PDE11A: variants seen among roughly 807,000 people sequenced by gnomAD.
The protein encoded by PDE11A is dual 3',5'-cyclic-AMP and -GMP phosphodiesterase 11A.
PDE11A carries 100 observed loss-of-function variants against 100.5 expected under a neutral mutation model. That is an observed-to-expected ratio of 1.00 (90% confidence interval 0.85 to 1.18). The LOEUF (loss-of-function observed/expected upper bound fraction) is 1.18, where lower values mean the gene tolerates loss of function less well. Ranked by LOEUF, PDE11A falls within the 50% of genes most tolerant of loss-of-function variation. The probability of loss-of-function intolerance (pLI) is 0.00; values close to 1 mark genes in which losing one functional copy is unlikely to be tolerated. For missense variants in PDE11A, 1,141 were observed against 1,152.6 expected (o/e 0.99, Z 0.15); for synonymous variants, 381 against 420.8 (o/e 0.91, Z 1.16).
At chr2:178,074,172 G>C (rs2087174806), upstream of PDE11A, among the ~76,000 whole-genome samples, 1 of 152,064 alleles carries the variant, frequency 6.6e-6, no homozygotes, top group African/African-American at 2.4e-5. Context: ...GTCCAGAATA[G>C]GCAAATCCAT....
At chr2:177,912,709 A>G (rs1391792945) in intron 2 of PDE11A, among the ~76,000 whole-genome samples, 5 of 152,164 alleles carry the variant, frequency 3.3e-5, no homozygotes, top group Non-Finnish European at 1.5e-5. Flanking sequence ...AAAAATACCC[A>G]TATTTCTGCC....
intron 19 of PDE11A, among the ~76,000 whole-genome samples, chr2:177,646,627 A>G (rs2080228313): frequency 6.6e-6 from 1 of 152,220 alleles, no homozygotes; most frequent in South Asian, 2.1e-4. Flanking sequence ...CTGGCACACT[A>G]GTAACAATGG....
chr2:177,690,069 T>C (rs1045825674), intron 15 of PDE11A, among the ~76,000 whole-genome samples: 1 of 152,170 alleles, frequency 6.6e-6, no homozygotes, highest in Non-Finnish European at 1.5e-5. Flanking sequence ...AAAGAAACCA[T>C]TAAGAAGTGC....
chr2:177,998,963 C>T (rs541628642), intron 2 of PDE11A, among the ~76,000 whole-genome samples: 1 of 152,330 alleles, frequency 6.6e-6, no homozygotes, highest in Admixed American at 6.5e-5. Flanking sequence ...AATGGGCACT[C>T]TAGATCTAGT....
intron 2 of PDE11A, among the ~76,000 whole-genome samples, chr2:177,993,430 C>T (rs1484035924): frequency 3.3e-5 from 5 of 151,216 alleles, no homozygotes; most frequent in African/African-American, 1.2e-4. Context: ...TTTTAAAGTC[C>T]CCTTGCTTTC....
At chr2:178,073,068 C>T (rs1028988700), upstream of PDE11A, 52 of 985,226 alleles carry the variant, frequency 5.3e-5, no homozygotes, top group Non-Finnish European at 6.0e-5. Context: ...CCCCTTAATC[C>T]GTTAGCGTTT....
chr2:177,653,779 G>A lies in PDE11A; in HGVS notation c.2646+10087C>T, dbSNP rs1244103454. The stretch of plus-strand genomic sequence containing the variant: ...GCTGACACCTGAATTCTAGCTTCTA[G>A]AACTGTGAGCAAATACATTTCTGTT... On this transcript the variant is annotated intron_variant, in intron 19 of 19. Coordinates refer to ENST00000286063, the MANE Select transcript of PDE11A (RefSeq NM_016953.4). Among the ~76,000 whole-genome samples the A allele has an allele frequency of 2.0e-5, 3 of 152,194 alleles. No homozygotes were observed. In the East Asian group the frequency reaches 5.8e-4, roughly 29 times the overall value.
chr2:177,937,066 A>G (rs1045018915), intron 2 of PDE11A, among the ~76,000 whole-genome samples: 1 of 152,050 alleles, frequency 6.6e-6, no homozygotes, highest in East Asian at 1.9e-4. Context: ...AATATTTGTG[A>G]GGCATCTCTT....
At chr2:177,674,249 C>T (rs12475108) in intron 17 of PDE11A, among the ~76,000 whole-genome samples, 94,880 of 152,072 alleles carry the variant, frequency 0.62, 32,015 homozygotes, top group Admixed American at 0.74. Context: ...GGATAATAAC[C>T]ATATTAGTTT....
intron 2 of PDE11A, among the ~76,000 whole-genome samples, chr2:177,989,217 C>G (rs943361061): frequency 6.6e-6 from 1 of 152,132 alleles, no homozygotes; most frequent in Non-Finnish European, 1.5e-5. Flanking sequence ...ACAATATGAG[C>G]AATCTACTCT....
At chr2:177,959,737 C>T (rs10186697) in intron 2 of PDE11A, among the ~76,000 whole-genome samples, 5,734 of 152,026 alleles carry the variant, frequency 0.038, 370 homozygotes, top group African/African-American at 0.13. Flanking sequence ...ATATATCAAT[C>T]GGATATCCAA....
intron 2 of PDE11A, among the ~76,000 whole-genome samples, chr2:177,973,067 G>A (rs2085792752): frequency 6.6e-6 from 1 of 152,160 alleles, no homozygotes; most frequent in African/African-American, 2.4e-5. Flanking sequence ...TCAAGAAAAT[G>A]GCTGAGGGAG....
At chr2:178,038,749 A>G (rs1023630475) in intron 1 of PDE11A, among the ~76,000 whole-genome samples, 2 of 152,152 alleles carry the variant, frequency 1.3e-5, no homozygotes, top group Non-Finnish European at 2.9e-5. Flanking sequence ...CCCTGTCCAT[A>G]GATCAGGTGG....
At chr2:177,993,841 A>T in intron 2 of PDE11A, among the ~76,000 whole-genome samples, 1 of 152,114 alleles carries the variant, frequency 6.6e-6, no homozygotes, top group Non-Finnish European at 1.5e-5. Context: ...AAAGAAAAAA[A>T]TTTAACAATT....
At chr2:178,035,275 A>G (rs941142996) in intron 1 of PDE11A, among the ~76,000 whole-genome samples, 1 of 152,230 alleles carries the variant, frequency 6.6e-6, no homozygotes, top group Non-Finnish European at 1.5e-5. Context: ...TAGAAAATCT[A>G]GAAGAAATGA....
At chr2:177,675,417 C>G (rs745628790) in intron 17 of PDE11A, 38 bp downstream of exon 17, 1 of 1,484,560 alleles carries the variant, frequency 6.7e-7, no homozygotes, top group Admixed American at 1.7e-5. Flanking sequence ...GCCCCCCAGT[C>G]CCTCCTCTGC....
At chr2:178,038,252 C>T (rs927704785) in intron 1 of PDE11A, among the ~76,000 whole-genome samples, 1 of 151,974 alleles carries the variant, frequency 6.6e-6, no homozygotes, top group African/African-American at 2.4e-5. Flanking sequence ...ACCAAAGTTT[C>T]TTCATGCCCT....
chr2:178,106,624 T>C (rs936868914), intron 1 of PDE11A, among the ~76,000 whole-genome samples: 1 of 152,086 alleles, frequency 6.6e-6, no homozygotes, highest in Non-Finnish European at 1.5e-5. Context: ...ATCTAAGCAC[T>C]AACTAGATAA....
intron 1 of PDE11A, among the ~76,000 whole-genome samples, chr2:178,058,948 A>G (rs528250453): frequency 6.6e-6 from 1 of 152,320 alleles, no homozygotes; most frequent in Admixed American, 6.5e-5. Flanking sequence ...GTCTGGCTCC[A>G]TGAGCCTGCA....
Sources: gnomAD v4.1 joint callset for allele counts (sites outside exome capture counted in the v4.1 genomes callset) on GRCh38, gnomAD v4.1.1 for gene constraint, MANE v1.5 for transcripts, NCBI Gene and HGNC (gene_info 2026-07-23, HGNC 2026-07-21) for gene names.